The following C12orf54 variants were observed in gnomAD, a reference collection of about 807,000 sequenced individuals.
C12orf54 encodes the protein chromosome 12 open reading frame 54.
A neutral mutation model predicts 26.4 loss-of-function variants in C12orf54; 24 were observed. The observed-to-expected ratio is 0.91, with a 90% confidence interval of 0.66 to 1.28. The LOEUF is 1.28. C12orf54 is among the 50% of genes most tolerant of loss of function. The pLI is 0.00. For missense variants in C12orf54, 154 were observed against 150.9 expected (o/e 1.02, Z -0.11); for synonymous variants, 54 against 47.0 (o/e 1.15, Z -0.61).
At chr12:48,487,910 C>A in intron 4 of C12orf54, 1 of 594,460 alleles carries the variant, frequency 1.7e-6, no homozygotes, top group Non-Finnish European at 3.0e-6. Context: ...TTATAAGAAA[C>A]TGCCAGCCCT....
At chr12:48,441,428 A>C in the C12orf54 span, among the ~76,000 whole-genome samples, 1 of 152,084 alleles carries the variant, frequency 6.6e-6, no homozygotes, top group African/African-American at 2.4e-5. Flanking sequence ...GTGCCACTGC[A>C]CTCCAGCCTG....
At chr12:48,468,774 G>A in the C12orf54 span, among the ~76,000 whole-genome samples, 1 of 152,040 alleles carries the variant, frequency 6.6e-6, no homozygotes, top group African/African-American at 2.4e-5. Flanking sequence ...GTCTTATAGG[G>A]GGAACCAGCC....
chr12:48,470,839 G>T, the C12orf54 span, among the ~76,000 whole-genome samples: 1 of 151,084 alleles, frequency 6.6e-6, no homozygotes, highest in Non-Finnish European at 1.5e-5. Context: ...AAATTTTGTG[G>T]GTGCATATTA....
At chr12:48,454,104 T>G in the C12orf54 span, among the ~76,000 whole-genome samples, 5 of 144,616 alleles carry the variant, frequency 3.5e-5, no homozygotes, top group African/African-American at 5.0e-5. Flanking sequence ...TTGTTTTTTT[T>G]TTTTTTTTTT....
At chr12:48,418,984 G>C in the C12orf54 span, among the ~76,000 whole-genome samples, 4 of 151,362 alleles carry the variant, frequency 2.6e-5, no homozygotes, top group East Asian at 7.7e-4. Context: ...TCACTGTCCT[G>C]ATAGGTGGAC....
At chr12:48,472,412 C>G in the C12orf54 span, among the ~76,000 whole-genome samples, 6 of 152,028 alleles carry the variant, frequency 3.9e-5, no homozygotes, top group African/African-American at 1.2e-4. Context: ...AAGGTACAGC[C>G]AATACATCTA....
At chr12:48,483,751 G>C (rs1954225931) in intron 2 of C12orf54, among the ~76,000 whole-genome samples, 1 of 152,156 alleles carries the variant, frequency 6.6e-6, no homozygotes, top group African/African-American at 2.4e-5. Flanking sequence ...TGCTGCTTGA[G>C]GCTAAATATG....
chr12:48,494,767 C>T, intron 7 of C12orf54, 31 bp from the exon 8 acceptor site: 1 of 1,607,498 alleles, frequency 6.2e-7, no homozygotes. Flanking sequence ...CTCTTTCCCT[C>T]ATGTCTACAA....
intron 4 of C12orf54, chr12:48,488,479 G>GC: frequency 4.5e-6 from 1 of 223,904 alleles, no homozygotes; most frequent in Non-Finnish European, 7.9e-6. Context: ...TAAACTTACA[G>GC]CCAAAAAAAA....
the C12orf54 span, among the ~76,000 whole-genome samples, chr12:48,418,750 G>C: frequency 1.3e-5 from 2 of 152,136 alleles, no homozygotes; most frequent in Non-Finnish European, 2.9e-5. Flanking sequence ...TTTTAATTAA[G>C]ATGAAGATTT....
chr12:48,475,186 C>T, the C12orf54 span, among the ~76,000 whole-genome samples: 20 of 152,150 alleles, frequency 1.3e-4, no homozygotes, highest in Non-Finnish European at 2.8e-4. Flanking sequence ...AGCTGAGGGT[C>T]CTGTCTGTTA....
chr12:48,449,244 G>A, the C12orf54 span, among the ~76,000 whole-genome samples: 1 of 152,146 alleles, frequency 6.6e-6, no homozygotes, highest in Non-Finnish European at 1.5e-5. Flanking sequence ...AGGCCTGAAA[G>A]AAAAAGATCT....
chr12:48,494,203 G>C lies in C12orf54; in HGVS notation c.243-595G>C, dbSNP rs928912435. 2.6e-5 allele frequency among the ~76,000 whole-genome samples: 4 copies of C among 151,814 alleles called. No individual in the cohort carries two copies. The South Asian group carries it at 8.4e-4, about 32-fold the overall frequency. On this transcript the variant is annotated intron_variant, in intron 7 of 8. Transcript: ENST00000548364. ...CATTGCACTCCAGTCTAGGCAACAA[G>C]AGTGAAACTCTGTCTCAAAAAAAAA...
At chr12:48,478,458 G>T (rs1954166536), upstream of C12orf54, among the ~76,000 whole-genome samples, 2 of 152,178 alleles carry the variant, frequency 1.3e-5, no homozygotes, top group Non-Finnish European at 2.9e-5. Context: ...AAGTCAAATT[G>T]TCCCTGTTTG....
chr12:48,417,149 C>T, the C12orf54 span: 1 of 152,162 alleles, frequency 6.6e-6, no homozygotes, highest in Non-Finnish European at 1.5e-5. Context: ...TGAACAAATA[C>T]ATCCCAGAAA....
the C12orf54 span, among the ~76,000 whole-genome samples, chr12:48,450,726 G>T: frequency 6.6e-6 from 1 of 152,242 alleles, no homozygotes; most frequent in African/African-American, 2.4e-5. Context: ...AGAACATCTA[G>T]AAGAAATGGA....
intron 3 of C12orf54, 100 bp downstream of exon 3, chr12:48,486,308 T>C: frequency 8.2e-7 from 1 of 1,226,234 alleles, no homozygotes; most frequent in South Asian, 1.3e-5. Context: ...AAAAAAAAGC[T>C]ACCTGACAAG....
At chr12:48,461,499 C>G in the C12orf54 span, among the ~76,000 whole-genome samples, 1 of 151,730 alleles carries the variant, frequency 6.6e-6, no homozygotes, top group African/African-American at 2.4e-5. Flanking sequence ...TAAACCATGT[C>G]TCAATAAAAT....
chr12:48,472,483 G>A, the C12orf54 span, among the ~76,000 whole-genome samples: 1 of 152,192 alleles, frequency 6.6e-6, no homozygotes, highest in African/African-American at 2.4e-5. Flanking sequence ...GGAGCAACTG[G>A]GTGAATGATA....
Sources: gnomAD v4.1 joint callset for allele counts (sites outside exome capture counted in the v4.1 genomes callset) on GRCh38, gnomAD v4.1.1 for gene constraint, MANE v1.5 for transcripts, NCBI Gene and HGNC (gene_info 2026-07-23, HGNC 2026-07-21) for gene names.